ADGRB3: variants seen among roughly 807,000 people sequenced by gnomAD.
ADGRB3 encodes adhesion G protein-coupled receptor B3.
A neutral mutation model predicts 193.4 loss-of-function variants in ADGRB3; 37 were observed. The observed-to-expected ratio is 0.19, with a 90% CI of 0.15 to 0.25. The LOEUF is 0.25. ADGRB3 is among the 10% of genes least tolerant of loss of function. The pLI is 1.00. For synonymous variants in ADGRB3, 690 were observed against 644.2 expected, an observed-to-expected ratio of 1.07 and a Z score of -1.08; for missense variants, 1,637 against 1,852.9, an observed-to-expected ratio of 0.88 and a Z score of 2.14.
At chr6:69,317,628 C>A (rs1453850986) in intron 20 of ADGRB3, among the ~76,000 whole-genome samples, 2 of 151,440 alleles carry the variant, frequency 1.3e-5, no homozygotes, top group Non-Finnish European at 3.0e-5. Context: ...AACAACATTT[C>A]TATTACCCAC....
intron 20 of ADGRB3, among the ~76,000 whole-genome samples, chr6:69,257,940 G>T (rs1461542019): frequency 6.6e-6 from 1 of 152,160 alleles, no homozygotes; most frequent in African/African-American, 2.4e-5. Context: ...TAGAAACGTG[G>T]TTGTTATCCT....
chr6:68,896,741 G>T (rs1177960804), intron 3 of ADGRB3, among the ~76,000 whole-genome samples: 4 of 152,204 alleles, frequency 2.6e-5, no homozygotes, highest in Middle Eastern at 3.4e-3. Flanking sequence ...AAGAAAAGTA[G>T]CATTCTAAAT....
chr6:68,703,930 T>C (rs1272730168), intron 3 of ADGRB3, among the ~76,000 whole-genome samples: 1 of 152,036 alleles, frequency 6.6e-6, no homozygotes, highest in Non-Finnish European at 1.5e-5. Flanking sequence ...GCCATTAAAA[T>C]TAGTATATTG....
chr6:69,014,115 A>T lies in ADGRB3; in HGVS notation c.1998+9A>T, dbSNP rs777815254. 4 of 1,585,398 alleles carry T rather than the reference A, an allele frequency of 2.5e-6. No homozygotes were observed. The highest frequency in any genetic ancestry group is 3.4e-6 in the Non-Finnish European group (4 of 1,164,188). On this transcript the variant is annotated intron_variant, in intron 12 of 31. Coordinates refer to ENST00000370598, the MANE Select transcript of ADGRB3 (RefSeq NM_001704.3). Reference sequence around the variant, plus strand: ...GGGAAGATGCACAACAGGTAAGGTTAGGGTTATTTCAGAACTTGAAGTTGG... The same window carrying T: ...GGGAAGATGCACAACAGGTAAGGTTTGGGTTATTTCAGAACTTGAAGTTGG...
At chr6:68,690,028 G>T (rs972253175) in intron 3 of ADGRB3, among the ~76,000 whole-genome samples, 2 of 152,138 alleles carry the variant, frequency 1.3e-5, no homozygotes, top group Non-Finnish European at 2.9e-5. Flanking sequence ...TGTCCATTGT[G>T]TCTGTGGTTA....
rs768129595 is a variant in ADGRB3, at chr6:69,338,960, A to G, written c.3233A>G (p.Lys1078Arg). The change falls in exon 25 of 32, where the codon AAG becomes AGG. Residue 1078 changes from lysine (K) to arginine (R), a missense_variant. Coordinates refer to ENST00000370598, the MANE Select transcript of ADGRB3 (RefSeq NM_001704.3). ...AGCGGTTTGACGCTCAAATGTGCCA[A>G]GTGTGGAGTAGTTTCAACAACAGCT... ...PHSGLTLKCA[K>R]CGVVSTTALS... is the part of the protein sequence containing the mutation. The G allele has an allele frequency of 2.5e-6, 4 of 1,613,910 alleles. No homozygotes were observed. The highest frequency in any genetic ancestry group is 1.3e-5 in the African/African-American group (1 of 74,990).
chr6:69,340,489 G>A (rs1768951140), intron 26 of ADGRB3, among the ~76,000 whole-genome samples: 1 of 152,112 alleles, frequency 6.6e-6, no homozygotes, highest in Non-Finnish European at 1.5e-5. Context: ...TTATTGCAAT[G>A]TGCACATTGC....
intron 3 of ADGRB3, among the ~76,000 whole-genome samples, chr6:68,858,292 C>G (rs1389329153): frequency 1.3e-5 from 2 of 152,030 alleles, no homozygotes; most frequent in Non-Finnish European, 2.9e-5. Context: ...ATCACAAGGT[C>G]AGGAGTTCAA....
intron 3 of ADGRB3, among the ~76,000 whole-genome samples, chr6:68,788,438 G>C (rs1164741120): frequency 6.6e-6 from 1 of 152,176 alleles, no homozygotes; most frequent in African/African-American, 2.4e-5. Flanking sequence ...GGAACAGGTT[G>C]TTGAGTTTCC....
At position 69,074,215 on chromosome 6, in the gene ADGRB3, G is replaced by A. The variant is rs114023243; in HGVS notation, c.2437-1780G>A. Among the ~76,000 whole-genome samples the A allele has an allele frequency of 1.8e-3, 273 of 152,144 alleles. 2 individuals are homozygous for A. The highest frequency in any genetic ancestry group is 6.3e-3 in the African/African-American group (261 of 41,524). ...TTCAGGGAATTTTTAGAATAACTGG[G>A]ATGCTGCAATATTGGAGTTAGTCAT... On this transcript the variant is annotated intron_variant, in intron 16 of 31. Transcript: ENST00000370598.
At chr6:69,176,770 C>A (rs779719887) in intron 17 of ADGRB3, among the ~76,000 whole-genome samples, 1 of 152,104 alleles carries the variant, frequency 6.6e-6, no homozygotes, top group Non-Finnish European at 1.5e-5. Context: ...TTTTTCATCA[C>A]GTTAGTTAAG....
chr6:68,706,885 G>T (rs183482584), intron 3 of ADGRB3, among the ~76,000 whole-genome samples: 184 of 152,258 alleles, frequency 1.2e-3, no homozygotes, highest in Middle Eastern at 6.8e-3. Context: ...GCCGAGGCAA[G>T]CAGCTCACCA....
At position 68,958,870 on chromosome 6, in the gene ADGRB3, AGTGTGTGTGT is replaced by A. The variant is rs66559521; in HGVS notation, c.1525+2094_1525+2103del. Among the ~76,000 whole-genome samples the A allele has an allele frequency of 4.2e-3, 615 of 147,200 alleles. 4 individuals are homozygous for A. Among genetic ancestry groups the A allele is most frequent in the East Asian group, 5.6e-3 (28 of 5,022 alleles). On this transcript the variant is annotated intron_variant, in intron 8 of 31. Coordinates refer to ENST00000370598, the MANE Select transcript of ADGRB3 (RefSeq NM_001704.3). ...TACTTATACAGGGGCAAAGAAAAAT[AGTGTGTGTGT>A]GTGTGTGTGTGTGTGTGTGTGTGTG... is the stretch of plus-strand genomic sequence containing the variant.
At chr6:69,206,053 A>G (rs1207283672) in intron 17 of ADGRB3, among the ~76,000 whole-genome samples, 3 of 123,496 alleles carry the variant, frequency 2.4e-5, no homozygotes, top group Non-Finnish European at 3.5e-5. Context: ...TGGTATATAT[A>G]TATATATATA....
chr6:68,879,000 C>A (rs966267718), intron 3 of ADGRB3, among the ~76,000 whole-genome samples: 1 of 152,082 alleles, frequency 6.6e-6, no homozygotes, highest in Non-Finnish European at 1.5e-5. Flanking sequence ...CATCTCCCAC[C>A]GGCTCTCTTT....
intron 17 of ADGRB3, among the ~76,000 whole-genome samples, chr6:69,188,300 C>G (rs1191580411): frequency 6.6e-6 from 1 of 151,870 alleles, no homozygotes; most frequent in East Asian, 1.9e-4. Flanking sequence ...TGTCTCCATC[C>G]TGGAATTTCT....
intron 3 of ADGRB3, among the ~76,000 whole-genome samples, chr6:68,745,527 A>G (rs1041976054): frequency 1.3e-5 from 2 of 152,136 alleles, no homozygotes; most frequent in Non-Finnish European, 2.9e-5. Flanking sequence ...AACAATGTGA[A>G]TGTAACATTT....
intron 20 of ADGRB3, among the ~76,000 whole-genome samples, chr6:69,255,940 C>T (rs1415095124): frequency 2.0e-5 from 3 of 152,116 alleles, no homozygotes; most frequent in Non-Finnish European, 4.4e-5. Flanking sequence ...GTTTTCCCAG[C>T]ACCATTTATT....
At chr6:69,164,779 G>A (rs1775089379) in intron 17 of ADGRB3, among the ~76,000 whole-genome samples, 1 of 152,096 alleles carries the variant, frequency 6.6e-6, no homozygotes, top group African/African-American at 2.4e-5. Context: ...CTCAATTTAA[G>A]GGGGAGGCAC....
Sources: gnomAD v4.1 joint callset for allele counts (sites outside exome capture counted in the v4.1 genomes callset) on GRCh38, gnomAD v4.1.1 for gene constraint, MANE v1.5 for transcripts, NCBI Gene and HGNC (gene_info 2026-07-23, HGNC 2026-07-21) for gene names.